KCNH1: variants seen among roughly 807,000 people sequenced by gnomAD.
KCNH1 encodes potassium voltage-gated channel subfamily H member 1, also known as voltage-gated delayed rectifier potassium channel KCNH1.
A neutral mutation model predicts 69.2 loss-of-function variants in KCNH1; 27 were observed. The ratio of observed to expected loss-of-function variants is 0.39; its 90% CI spans 0.29 to 0.54. The LOEUF (loss-of-function observed/expected upper bound fraction) is 0.54. Among genes scored for constraint, KCNH1 ranks in the 20% least tolerant of loss-of-function variants. The probability of loss-of-function intolerance (pLI) is 0.68; values close to 1 mark genes in which losing one functional copy is unlikely to be tolerated. For synonymous variants in KCNH1, 456 were observed against 487.7 expected, an observed-to-expected ratio of 0.93 and a Z score of 0.86; for missense variants, 798 against 1,261.6, an observed-to-expected ratio of 0.63 and a Z score of 5.57.
At chr1:210,685,853 G>A (rs188467737) in intron 10 of KCNH1, among the ~76,000 whole-genome samples, 19 of 152,284 alleles carry the variant, frequency 1.2e-4, no homozygotes, top group Non-Finnish European at 2.9e-5. Context: ...CCAAATAAAC[G>A]GTTAATTGCT....
At chr1:210,746,298 A>T (rs755775512) in intron 10 of KCNH1, among the ~76,000 whole-genome samples, 6 of 152,124 alleles carry the variant, frequency 3.9e-5, no homozygotes, top group Admixed American at 1.3e-4. Flanking sequence ...CTTAGGTGAA[A>T]CTCATAACAA....
rs554758653 is a variant in KCNH1 at position 210,992,813 on chromosome 1, T to C, written c.1032+25970A>G. ...TTAGCATGTTTTAGTTTCTATTTTT[T>C]CTTTATGCTTTCCCTTAATGAGACT... On this transcript the variant is annotated intron_variant, in intron 6 of 10. Transcript: ENST00000271751. Among the ~76,000 whole-genome samples the C allele has an allele frequency of 2.6e-5, 4 of 152,354 alleles. No homozygotes were observed. In the East Asian group the frequency reaches 5.8e-4, roughly 22 times the overall value.
chr1:210,719,367 G>T (rs1254358636), intron 10 of KCNH1, among the ~76,000 whole-genome samples: 2 of 152,082 alleles, frequency 1.3e-5, no homozygotes, highest in Non-Finnish European at 1.5e-5. Context: ...CTGAATCATA[G>T]AAAAATAAGG....
chr1:210,701,031 G>T (rs1385740043), intron 10 of KCNH1, among the ~76,000 whole-genome samples: 2 of 152,054 alleles, frequency 1.3e-5, no homozygotes, highest in African/African-American at 4.8e-5. Context: ...TCCACCTCCC[G>T]GGTTCACGCC....
chr1:210,959,309 C>T (rs181146363), intron 6 of KCNH1, among the ~76,000 whole-genome samples: 8 of 152,212 alleles, frequency 5.3e-5, no homozygotes, highest in African/African-American at 1.2e-4. Flanking sequence ...GAGGGGCACC[C>T]GCCTATATGA....
At chr1:210,766,321 T>C (rs370520275) in intron 10 of KCNH1, among the ~76,000 whole-genome samples, 292 of 152,064 alleles carry the variant, frequency 1.9e-3, no homozygotes, top group Middle Eastern at 0.01. Flanking sequence ...AGGTCAGGAG[T>C]TTGAGACCGG....
intron 7 of KCNH1, among the ~76,000 whole-genome samples, chr1:210,856,872 ACCCAC>A (rs1177829581): frequency 2.2e-5 from 1 of 44,514 alleles, no homozygotes; most frequent in African/African-American, 9.8e-5. Flanking sequence ...TATATATATA[ACCCAC>A]TATATATATA....
At chr1:210,836,660 A>T (rs1685288981) in intron 7 of KCNH1, among the ~76,000 whole-genome samples, 1 of 152,200 alleles carries the variant, frequency 6.6e-6, no homozygotes, top group African/African-American at 2.4e-5. Context: ...ACCAAGATAA[A>T]AAATATATGG....
intron 7 of KCNH1, among the ~76,000 whole-genome samples, chr1:210,831,075 G>C (rs7517580): frequency 0.09 from 13,777 of 152,252 alleles, 1,388 homozygotes; most frequent in African/African-American, 0.24. Flanking sequence ...TTCTAAGTCT[G>C]ACCAAGCATT....
At chr1:210,694,116 G>A (rs1681585192) in intron 10 of KCNH1, among the ~76,000 whole-genome samples, 1 of 152,122 alleles carries the variant, frequency 6.6e-6, no homozygotes, top group Admixed American at 6.5e-5. Flanking sequence ...CAGCCCTCAG[G>A]ACTCCTGTCT....
intron 6 of KCNH1, among the ~76,000 whole-genome samples, chr1:211,004,888 T>C (rs1004450627): frequency 3.9e-5 from 6 of 152,084 alleles, no homozygotes; most frequent in Admixed American, 2.6e-4. Flanking sequence ...TATTACTAGA[T>C]AGACACACTT....
intron 6 of KCNH1, among the ~76,000 whole-genome samples, chr1:211,004,156 C>A: frequency 6.6e-6 from 1 of 152,112 alleles, no homozygotes; most frequent in East Asian, 1.9e-4. Flanking sequence ...GTGCAAATAT[C>A]TTTCAAGAAT....
chr1:211,049,323 A>T (rs1288684970), intron 5 of KCNH1, among the ~76,000 whole-genome samples: 1 of 152,188 alleles, frequency 6.6e-6, no homozygotes, highest in Non-Finnish European at 1.5e-5. Flanking sequence ...GATTGTCAAG[A>T]TCTCCATTAA....
chr1:211,114,710 T>C (rs1691535538), intron 1 of KCNH1, among the ~76,000 whole-genome samples: 2 of 152,186 alleles, frequency 1.3e-5, no homozygotes, highest in African/African-American at 4.8e-5. Context: ...TCTAGCCAAA[T>C]GCACACAGAT....
At chr1:210,840,883 C>T (rs1274316165) in intron 7 of KCNH1, among the ~76,000 whole-genome samples, 1 of 152,158 alleles carries the variant, frequency 6.6e-6, no homozygotes, top group Non-Finnish European at 1.5e-5. Context: ...GTATAGTTTA[C>T]ACTGTTGGTG....
chr1:210,872,153 A>C (rs1258119160), intron 7 of KCNH1, among the ~76,000 whole-genome samples: 2 of 150,414 alleles, frequency 1.3e-5, no homozygotes, highest in African/African-American at 4.9e-5. Context: ...GAGCACCAAA[A>C]AAAAAAAAAA....
chr1:210,939,726 A>G (rs1283645268), intron 6 of KCNH1, among the ~76,000 whole-genome samples: 4 of 152,240 alleles, frequency 2.6e-5, no homozygotes, highest in Non-Finnish European at 5.9e-5. Flanking sequence ...ACACAGTATC[A>G]TTTGTCCAAT....
intron 9 of KCNH1, among the ~76,000 whole-genome samples, chr1:210,796,111 T>C (rs1684309623): frequency 6.8e-6 from 1 of 147,370 alleles, no homozygotes; most frequent in African/African-American, 2.5e-5. Flanking sequence ...GCCGAGAGCA[T>C]GCCACTGCAC....
At chr1:210,726,767 A>G (rs1014947607) in intron 10 of KCNH1, among the ~76,000 whole-genome samples, 2 of 152,194 alleles carry the variant, frequency 1.3e-5, no homozygotes, top group African/African-American at 4.8e-5. Flanking sequence ...AGGGTGAGTC[A>G]AAAACATGCC....
Sources: allele counts gnomAD v4.1 joint callset (sites outside exome capture counted in the v4.1 genomes callset), GRCh38; gene constraint gnomAD v4.1.1; transcripts MANE v1.5; gene names NCBI Gene and HGNC (gene_info 2026-07-23, HGNC 2026-07-21).